The following CDH18 variants were observed in gnomAD, a reference collection of about 807,000 sequenced individuals.
CDH18 encodes the protein cadherin 18.
In CDH18, 31 loss-of-function variants were observed where a neutral mutation model predicts 67.9. That is an observed-to-expected ratio of 0.46 (90% CI 0.34 to 0.62). The LOEUF (loss-of-function observed/expected upper bound fraction) is 0.62, where lower values mean the gene tolerates loss of function less well. Ranked by LOEUF, CDH18 falls within the 20% of genes least tolerant of loss-of-function variation. The probability of loss-of-function intolerance (pLI) is 0.01; values close to 1 mark genes in which losing one functional copy is unlikely to be tolerated. For missense variants in CDH18, 890 were observed against 975.5 expected, an observed-to-expected ratio of 0.91 and a Z score of 1.17; for synonymous variants, 362 against 347.2, an observed-to-expected ratio of 1.04 and a Z score of -0.48.
intron 10 of CDH18, among the ~76,000 whole-genome samples, chr5:19,504,914 T>C (rs1743850333): frequency 6.6e-6 from 1 of 152,146 alleles, no homozygotes; most frequent in African/African-American, 2.4e-5. Context: ...TTATCACTGC[T>C]GTGGGATTAT....
Position 19,473,024 on chromosome 5 carries a change from T to G in CDH18, c.*202A>C. On this transcript the variant is annotated 3_prime_UTR_variant, in exon 13 of 13. Transcript: ENST00000382275. ...ACAAGGAACAATAACTTTTTCTTTG[T>G]ATTGTCTTTTTTTTTTTTTTTTTAC... The G allele has an allele frequency of 3.7e-6, 2 of 539,034 alleles. No individual in the cohort carries two copies. The highest frequency in any genetic ancestry group is 3.1e-5 in the East Asian group (1 of 32,480). 33.4% of individuals were successfully genotyped at this position (539,034 alleles called of 1,614,324 possible).
intron 12 of CDH18, among the ~76,000 whole-genome samples, chr5:19,480,679 TAA>T (rs1739281600): frequency 6.6e-6 from 1 of 152,152 alleles, no homozygotes; most frequent in Non-Finnish European, 1.5e-5. Context: ...CCCGGCCATA[TAA>T]AGTTTCTAAA....
intron 2 of CDH18, among the ~76,000 whole-genome samples, chr5:20,123,422 A>T (rs1002057916): frequency 6.6e-6 from 1 of 152,128 alleles, no homozygotes; most frequent in African/African-American, 2.4e-5. Flanking sequence ...CAACAACCTT[A>T]CCAAATGTAT....
intron 3 of CDH18, among the ~76,000 whole-genome samples, chr5:19,786,093 T>C (rs963154447): frequency 9.2e-5 from 14 of 152,086 alleles, no homozygotes; most frequent in Non-Finnish European, 1.3e-4. Context: ...ATTTCTGCAA[T>C]TTAAAAACAT....
At chr5:19,800,759 T>C (rs1347967724) in intron 3 of CDH18, among the ~76,000 whole-genome samples, 2 of 152,182 alleles carry the variant, frequency 1.3e-5, no homozygotes, top group Admixed American at 6.5e-5. Flanking sequence ...GGTTGGTTTT[T>C]ATCTGTAAGG....
rs879385243 is a variant in CDH18, at chr5:19,838,894, G to A, written c.93C>T (p.Ile31=). 8 of 1,613,886 alleles carry A rather than the reference G, an allele frequency of 5.0e-6. No individual in the cohort carries two copies. Among genetic ancestry groups the A allele is most frequent in the Non-Finnish European group, 6.8e-6 (8 of 1,179,882 alleles). The change falls in exon 3 of 13, where the codon ATC becomes ATT. Residue 31 remains isoleucine (I), a synonymous_variant. Coordinates refer to ENST00000382275, the MANE Select transcript of CDH18 (RefSeq NM_004934.5). ...RCYGTAHHSS[I]KVMRNQTKHI... ...GTTTGGTTTGGTTTCTCATCACCTT[G>A]ATGGAGCTGTGGTGAGCAGTTCCAT... is the stretch of plus-strand genomic sequence containing the variant.
intron 2 of CDH18, among the ~76,000 whole-genome samples, chr5:19,904,200 G>A (rs1464348851): frequency 1.3e-5 from 2 of 151,706 alleles, no homozygotes; most frequent in African/African-American, 2.4e-5. Context: ...CTTGAACTCC[G>A]GAGGCGGAGA....
intron 1 of CDH18, among the ~76,000 whole-genome samples, chr5:20,379,033 T>G (rs893565559): frequency 6.6e-6 from 1 of 152,142 alleles, no homozygotes; most frequent in African/African-American, 2.4e-5. Context: ...CTGTCTACAC[T>G]CTATGTTTTA....
intron 6 of CDH18, among the ~76,000 whole-genome samples, chr5:19,611,674 G>C (rs1393248027): frequency 6.6e-6 from 1 of 152,072 alleles, no homozygotes; most frequent in Non-Finnish European, 1.5e-5. Flanking sequence ...GAACATAAGA[G>C]ACAACTCCTC....
intron 1 of CDH18, among the ~76,000 whole-genome samples, chr5:20,268,642 A>G (rs1419583195): frequency 1.3e-5 from 2 of 152,136 alleles, no homozygotes; most frequent in African/African-American, 4.8e-5. Context: ...TGGGAGGATC[A>G]TGAGTCCAGA....
intron 2 of CDH18, among the ~76,000 whole-genome samples, chr5:19,841,954 C>A (rs549385525): frequency 6.6e-6 from 1 of 152,074 alleles, no homozygotes; most frequent in African/African-American, 2.4e-5. Flanking sequence ...ATCACTACAG[C>A]GCTTATGGAG....
At chr5:19,609,864 A>T (rs1748661526) in intron 6 of CDH18, among the ~76,000 whole-genome samples, 2 of 152,076 alleles carry the variant, frequency 1.3e-5, no homozygotes, top group African/African-American at 4.8e-5. Context: ...TGAGCTGTGT[A>T]TAGACTTGCG....
intron 2 of CDH18, among the ~76,000 whole-genome samples, chr5:20,094,827 A>C (rs530784122): frequency 6.6e-6 from 1 of 152,320 alleles, no homozygotes; most frequent in Non-Finnish European, 1.5e-5. Flanking sequence ...AGGATTATAA[A>C]TCATTCTACT....
chr5:19,559,523 C>G (rs933090063), intron 8 of CDH18, among the ~76,000 whole-genome samples: 1 of 151,914 alleles, frequency 6.6e-6, no homozygotes, highest in Admixed American at 6.6e-5. Context: ...AAGGGGCATA[C>G]CTTAAGGTAA....
At chr5:20,223,231 T>C (rs1047252937) in intron 2 of CDH18, among the ~76,000 whole-genome samples, 8 of 152,100 alleles carry the variant, frequency 5.3e-5, no homozygotes, top group Non-Finnish European at 7.4e-5. Context: ...ATGTGAGAAA[T>C]GGAGCCAAAG....
chr5:20,438,000 T>G (rs897968825), intron 1 of CDH18, among the ~76,000 whole-genome samples: 2 of 151,208 alleles, frequency 1.3e-5, no homozygotes, highest in Non-Finnish European at 3.0e-5. Context: ...ATAAGTATAT[T>G]TTAAGGGTAT....
rs561878448 is a variant in CDH18 at position 20,359,284 on chromosome 5, CAT to C, written c.-579-103781_-579-103780del. On this transcript the variant is annotated intron_variant, in intron 1 of 14. Coordinates refer to the CDH18 transcript ENST00000507958. Reference sequence around the variant, plus strand: ...CAATGTCTAATATCTCTACTATTCACATGTTTTGCTTATTTAATAAAAATATA... The same window carrying C: ...CAATGTCTAATATCTCTACTATTCACGTTTTGCTTATTTAATAAAAATATA... Among the ~76,000 whole-genome samples, 93 of 152,182 alleles carry C rather than the reference CAT, an allele frequency of 6.1e-4. 2 individuals are homozygous for C. The highest frequency in any genetic ancestry group is 2.5e-3 in the Admixed American group (38 of 15,278).
At chr5:19,918,489 T>C (rs1051906829) in intron 2 of CDH18, among the ~76,000 whole-genome samples, 7 of 152,296 alleles carry the variant, frequency 4.6e-5, no homozygotes, top group African/African-American at 1.4e-4. Flanking sequence ...TAATTCATCA[T>C]GACATCATGA....
intron 1 of CDH18, among the ~76,000 whole-genome samples, chr5:20,320,353 C>T (rs1737887020): frequency 6.6e-6 from 1 of 151,920 alleles, no homozygotes; most frequent in Admixed American, 6.6e-5. Flanking sequence ...CATTGTCACA[C>T]ACAAAAAAAA....
Sources: allele counts gnomAD v4.1 joint callset (sites outside exome capture counted in the v4.1 genomes callset), GRCh38; gene constraint gnomAD v4.1.1; transcripts MANE v1.5; gene names NCBI Gene and HGNC (gene_info 2026-07-23, HGNC 2026-07-21).